KIF16B: variants seen among roughly 807,000 people sequenced by gnomAD.
KIF16B encodes the protein kinesin family member 16B.
A neutral mutation model predicts 156.3 loss-of-function variants in KIF16B; 98 were observed. The ratio of observed to expected loss-of-function variants is 0.63; its 90% CI spans 0.53 to 0.74. KIF16B has a LOEUF of 0.74. Among genes scored for constraint, KIF16B ranks in the 30% least tolerant of loss-of-function variants. The pLI, the probability that KIF16B is intolerant of heterozygous loss-of-function variation, is 0.00. For synonymous variants in KIF16B, 564 were observed against 583.7 expected (o/e 0.97, Z 0.49); for missense variants, 1,421 against 1,606.5 (o/e 0.88, Z 1.97).
chr20:16,474,597 G>A (rs146433243), intron 12 of KIF16B, among the ~76,000 whole-genome samples: 1,618 of 152,274 alleles, frequency 0.011, 34 homozygotes, highest in African/African-American at 0.037. Flanking sequence ...GTTGCTGAGC[G>A]GGGCTTAAAA....
At position 16,409,791 on chromosome 20, in the gene KIF16B, G is replaced by A. The variant is rs139206419; in HGVS notation, c.1613-3335C>T. Among the ~76,000 whole-genome samples the A allele has an allele frequency of 9.9e-5, 15 of 151,442 alleles. No homozygotes were observed. The East Asian group carries it at 2.8e-3, about 28-fold the overall frequency. On this transcript the variant is annotated intron_variant, in intron 15 of 25. Coordinates refer to ENST00000354981, the MANE Select transcript of KIF16B (RefSeq NM_024704.5). ...GAATGGGGAGTCTTCTGCACAGACTGAGAACACTGGAAAAGGACCAAGATG... is the reference window on the plus strand; with the variant it reads ...GAATGGGGAGTCTTCTGCACAGACTAAGAACACTGGAAAAGGACCAAGATG...
At chr20:16,553,254 C>T (rs534709260) in intron 1 of KIF16B, among the ~76,000 whole-genome samples, 1 of 152,290 alleles carries the variant, frequency 6.6e-6, no homozygotes, top group African/African-American at 2.4e-5. Flanking sequence ...TGCCAGGGAG[C>T]CCTGCCCTCA....
chr20:16,343,925 T>C (rs183808854), intron 23 of KIF16B, among the ~76,000 whole-genome samples: 1 of 152,282 alleles, frequency 6.6e-6, no homozygotes, highest in East Asian at 1.9e-4. Flanking sequence ...TAGTAAATGT[T>C]ACACTATCTA....
At chr20:16,382,463 T>C (rs933075591) in intron 17 of KIF16B, among the ~76,000 whole-genome samples, 8 of 152,198 alleles carry the variant, frequency 5.3e-5, no homozygotes, top group African/African-American at 1.9e-4. Flanking sequence ...TTATACTGCA[T>C]GTAGGTTCAT....
chr20:16,328,283 G>C (rs527582932), intron 24 of KIF16B, among the ~76,000 whole-genome samples: 38 of 152,238 alleles, frequency 2.5e-4, no homozygotes, highest in African/African-American at 9.1e-4. Flanking sequence ...GCTTTGTGGG[G>C]AGAAGGGAAC....
intron 1 of KIF16B, among the ~76,000 whole-genome samples, chr20:16,533,211 T>C (rs1370101082): frequency 6.6e-6 from 1 of 152,066 alleles, no homozygotes; most frequent in Non-Finnish European, 1.5e-5. Flanking sequence ...ATTCTGAGGG[T>C]CTACCACATT....
At chr20:16,512,984 T>C in intron 4 of KIF16B, 61 bp from the exon 5 acceptor site, 2 of 1,272,620 alleles carry the variant, frequency 1.6e-6, no homozygotes, top group South Asian at 1.2e-5. Context: ...GATGACTGAA[T>C]TTGCAATTTG....
intron 17 of KIF16B, among the ~76,000 whole-genome samples, chr20:16,382,694 T>C (rs982648665): frequency 3.9e-5 from 6 of 152,186 alleles, no homozygotes; most frequent in Non-Finnish European, 7.3e-5. Context: ...TGTATTTCTT[T>C]TTAATTTTTT....
chr20:16,551,601 G>T (rs2070667863), intron 1 of KIF16B, among the ~76,000 whole-genome samples: 1 of 152,220 alleles, frequency 6.6e-6, no homozygotes, highest in South Asian at 2.1e-4. Context: ...GACAATAATA[G>T]CAGGTTCTTA....
In KIF16B at chr20:16,319,029, C is replaced by T. The variant is rs148957229; in HGVS notation, c.3712-6611G>A. 2.2e-4 allele frequency among the ~76,000 whole-genome samples: 34 copies of T among 152,204 alleles called. No individual in the cohort carries two copies. In the East Asian group the frequency reaches 4.3e-3, roughly 19 times the overall value. Reference sequence around the variant, plus strand: ...GATAAAAATGGCATTTTTACCTCTGCGGTCTCCCTCCCAAAAATGCATAAC... The same window carrying T: ...GATAAAAATGGCATTTTTACCTCTGTGGTCTCCCTCCCAAAAATGCATAAC... On this transcript the variant is annotated intron_variant, in intron 24 of 25. Coordinates refer to ENST00000354981, the MANE Select transcript of KIF16B (RefSeq NM_024704.5).
At chr20:16,454,945 G>A (rs1258647734) in intron 12 of KIF16B, among the ~76,000 whole-genome samples, 2 of 152,146 alleles carry the variant, frequency 1.3e-5, no homozygotes, top group Non-Finnish European at 2.9e-5. Flanking sequence ...ATATGTGCAT[G>A]GGACATCTTA....
intron 17 of KIF16B, among the ~76,000 whole-genome samples, chr20:16,383,184 T>C (rs1240248626): frequency 6.6e-6 from 1 of 152,134 alleles, no homozygotes; most frequent in Non-Finnish European, 1.5e-5. Flanking sequence ...TGGCAGGTGC[T>C]GTGTGGCATG....
At chr20:16,349,012 C>T (rs2064285694) in intron 23 of KIF16B, among the ~76,000 whole-genome samples, 1 of 152,184 alleles carries the variant, frequency 6.6e-6, no homozygotes, top group African/African-American at 2.4e-5. Flanking sequence ...ACCATATGTG[C>T]TCTACTGGAG....
chr20:16,465,411 C>T (rs185192799), intron 12 of KIF16B, among the ~76,000 whole-genome samples: 2 of 152,330 alleles, frequency 1.3e-5, no homozygotes, highest in African/African-American at 2.4e-5. Flanking sequence ...AGCCTCTGTC[C>T]TCCGACAATG....
At chr20:16,347,402 C>T (rs2064253165) in intron 23 of KIF16B, among the ~76,000 whole-genome samples, 1 of 152,104 alleles carries the variant, frequency 6.6e-6, no homozygotes, top group Non-Finnish European at 1.5e-5. Context: ...AAATTGAAGG[C>T]ATGACCATAA....
chr20:16,409,991 A>ATG (rs2065889210), intron 15 of KIF16B, among the ~76,000 whole-genome samples: 1 of 109,050 alleles, frequency 9.2e-6, no homozygotes, highest in Non-Finnish European at 1.9e-5. Flanking sequence ...ATATATATAT[A>ATG]TGTAGGTACA....
intron 17 of KIF16B, among the ~76,000 whole-genome samples, chr20:16,394,828 C>T (rs150511341): frequency 3.6e-4 from 55 of 152,212 alleles, no homozygotes; most frequent in African/African-American, 1.2e-3. Flanking sequence ...TCCCAGGACA[C>T]GCAGTGGGGA....
At chr20:16,323,061 T>C (rs906466101) in intron 24 of KIF16B, among the ~76,000 whole-genome samples, 24 of 152,012 alleles carry the variant, frequency 1.6e-4, no homozygotes, top group African/African-American at 5.8e-4. Flanking sequence ...TGAAAGGAAA[T>C]TGAGAACTAA....
intron 22 of KIF16B, among the ~76,000 whole-genome samples, chr20:16,365,514 T>A (rs2064644593): frequency 6.6e-6 from 1 of 152,186 alleles, no homozygotes; most frequent in South Asian, 2.1e-4. Context: ...GAAGCACACA[T>A]GGCTGCAGCC....
Sources: gnomAD v4.1 joint callset for allele counts (sites outside exome capture counted in the v4.1 genomes callset) on GRCh38, gnomAD v4.1.1 for gene constraint, MANE v1.5 for transcripts, NCBI Gene and HGNC (gene_info 2026-07-23, HGNC 2026-07-21) for gene names.